The following GALNTL6 variants were observed in gnomAD, a reference collection of about 807,000 sequenced individuals.
The protein encoded by GALNTL6 is polypeptide N-acetylgalactosaminyltransferase like 6.
Under a neutral mutation model 73.7 loss-of-function variants are expected in GALNTL6, and 46 were observed. That is an observed-to-expected ratio of 0.62 (90% CI 0.49 to 0.80). GALNTL6 has a LOEUF of 0.80. GALNTL6 is among the 30% of genes least tolerant of loss of function. The pLI is 0.00. For synonymous variants in GALNTL6, 259 were observed against 263.7 expected (o/e 0.98, Z 0.17); for missense variants, 604 against 755.0 (o/e 0.80, Z 2.34).
intron 2 of GALNTL6, among the ~76,000 whole-genome samples, chr4:171,940,910 A>G (rs1045171815): frequency 6.6e-6 from 1 of 151,598 alleles, no homozygotes; most frequent in African/African-American, 2.4e-5. Flanking sequence ...ATCACTTTAT[A>G]AGAATGTTAT....
At chr4:172,637,574 C>G (rs1739755362) in intron 5 of GALNTL6, among the ~76,000 whole-genome samples, 1 of 152,120 alleles carries the variant, frequency 6.6e-6, no homozygotes, top group African/African-American at 2.4e-5. Context: ...CATAAGTATT[C>G]ATTTTCCCAA....
At chr4:172,727,370 CACAA>C (rs1735879097) in intron 5 of GALNTL6, among the ~76,000 whole-genome samples, 1 of 152,158 alleles carries the variant, frequency 6.6e-6, no homozygotes, top group South Asian at 2.1e-4. Flanking sequence ...GATAATTACT[CACAA>C]ACTATAAACG....
chr4:172,119,368 C>T (rs1247829800), intron 2 of GALNTL6, among the ~76,000 whole-genome samples: 1 of 152,052 alleles, frequency 6.6e-6, no homozygotes, highest in Non-Finnish European at 1.5e-5. Context: ...TGAATGGACT[C>T]ATTATTTGGT....
intron 5 of GALNTL6, among the ~76,000 whole-genome samples, chr4:172,715,288 G>A (rs994992121): frequency 6.6e-6 from 1 of 152,192 alleles, no homozygotes; most frequent in African/African-American, 2.4e-5. Context: ...GTGCATGGGT[G>A]TATGCACACA....
intron 5 of GALNTL6, among the ~76,000 whole-genome samples, chr4:172,783,184 A>T (rs955268772): frequency 4.0e-5 from 6 of 150,912 alleles, no homozygotes; most frequent in Non-Finnish European, 7.4e-5. Context: ...TAACCTACAC[A>T]CCAAAAACTA....
chr4:172,075,343 T>C (rs1233508026), intron 2 of GALNTL6, among the ~76,000 whole-genome samples: 1 of 152,162 alleles, frequency 6.6e-6, no homozygotes, highest in Non-Finnish European at 1.5e-5. Context: ...TTTGTTTGTT[T>C]GTTTGTTTTG....
At chr4:172,337,572 T>C (rs1454932847) in intron 4 of GALNTL6, among the ~76,000 whole-genome samples, 1 of 152,040 alleles carries the variant, frequency 6.6e-6, no homozygotes, top group African/African-American at 2.4e-5. Flanking sequence ...TTTTTAAGAG[T>C]GCTGGCTATA....
rs570876843 is a variant in GALNTL6 at position 172,899,903 on chromosome 4, G to A, written c.1041+16996G>A. On this transcript the variant is annotated intron_variant, in intron 8 of 12. Coordinates refer to ENST00000506823, the MANE Select transcript of GALNTL6 (RefSeq NM_001034845.3). ...GTCATGGCATTGGTGGGAGTGTAGC[G>A]ATGAGGACACGCAGAAGTCATTTTT... 6.9e-4 allele frequency among the ~76,000 whole-genome samples: 105 copies of A among 152,272 alleles called. No individual in the cohort carries two copies. In the South Asian group the frequency reaches 0.014, roughly 20 times the overall value.
At chr4:172,515,117 AT>A (rs1291845204) in intron 5 of GALNTL6, among the ~76,000 whole-genome samples, 2 of 152,226 alleles carry the variant, frequency 1.3e-5, no homozygotes, top group Non-Finnish European at 2.9e-5. Flanking sequence ...CAGCTATGAG[AT>A]GTAGATGTAC....
chr4:172,314,312 G>A (rs1374705166), intron 4 of GALNTL6, among the ~76,000 whole-genome samples: 2 of 152,092 alleles, frequency 1.3e-5, no homozygotes, highest in Admixed American at 1.3e-4. Flanking sequence ...AGTGCTAGGA[G>A]GGAAGAGTTT....
intron 2 of GALNTL6, among the ~76,000 whole-genome samples, chr4:171,860,432 T>TATTGTC (rs1264735890): frequency 6.6e-6 from 1 of 152,218 alleles, no homozygotes; most frequent in East Asian, 1.9e-4. Context: ...ATGCAATATA[T>TATTGTC]ATTGTCATGG....
At chr4:172,512,616 A>T (rs908636546) in intron 5 of GALNTL6, among the ~76,000 whole-genome samples, 1 of 152,048 alleles carries the variant, frequency 6.6e-6, no homozygotes, top group African/African-American at 2.4e-5. Context: ...CCTTTTTAAC[A>T]GTTCTTGTAG....
intron 2 of GALNTL6, among the ~76,000 whole-genome samples, chr4:171,953,068 G>A (rs188027194): frequency 2.1e-4 from 32 of 152,166 alleles, no homozygotes; most frequent in Admixed American, 5.9e-4. Flanking sequence ...ATTCAAAGAG[G>A]CGTAAGGACA....
intron 5 of GALNTL6, among the ~76,000 whole-genome samples, chr4:172,695,278 AC>A (rs1458682730): frequency 1.2e-4 from 18 of 152,356 alleles, no homozygotes; most frequent in African/African-American, 4.3e-4. Flanking sequence ...AGATTAAAAA[AC>A]AATGACAGAA....
At chr4:172,861,647 A>C (rs550960195) in intron 7 of GALNTL6, among the ~76,000 whole-genome samples, 1 of 152,234 alleles carries the variant, frequency 6.6e-6, no homozygotes, top group African/African-American at 2.4e-5. Flanking sequence ...CATAATTCCC[A>C]CATGTCATGG....
intron 2 of GALNTL6, among the ~76,000 whole-genome samples, chr4:171,919,701 A>G (rs1056468465): frequency 6.6e-6 from 1 of 152,122 alleles, no homozygotes; most frequent in African/African-American, 2.4e-5. Context: ...AAAAAGAAAG[A>G]AAGGATAAAG....
At chr4:171,814,767 T>A in intron 2 of GALNTL6, 49 bp downstream of exon 2, 1 of 1,595,798 alleles carries the variant, frequency 6.3e-7, no homozygotes, top group Non-Finnish European at 8.6e-7. Context: ...AAGGCAGTGA[T>A]CCTCGCGCGG....
rs200566896 is a variant in GALNTL6 at position 172,336,275 on chromosome 4, G to GTTTTT, written c.387-12237_387-12233dup. Among the ~76,000 whole-genome samples, 13 of 126,020 alleles carry GTTTTT rather than the reference G, an allele frequency of 1.0e-4. No homozygotes were observed. The South Asian group carries it at 1.7e-3, about 17-fold the overall frequency. 82.7% of individuals were successfully genotyped at this position (126,020 alleles called of 152,430 possible). A position where few individuals can be genotyped will look rare whatever the true frequency, so the allele number is the denominator to read the frequency against. ...ACTCTTCTTGGTATAGTTTTGTTTT[G>GTTTTT]TTTTTTTTTTTTTTTGACTGAGTCT... is the stretch of plus-strand genomic sequence containing the variant. On this transcript the variant is annotated intron_variant, in intron 4 of 12. Transcript: ENST00000506823.
intron 4 of GALNTL6, among the ~76,000 whole-genome samples, chr4:172,328,450 G>A (rs1741017826): frequency 6.6e-6 from 1 of 152,058 alleles, no homozygotes; most frequent in African/African-American, 2.4e-5. Context: ...GTAAGATTCT[G>A]GAAGTTTTCA....
Sources: allele counts gnomAD v4.1 joint callset (sites outside exome capture counted in the v4.1 genomes callset), GRCh38; gene constraint gnomAD v4.1.1; transcripts MANE v1.5; gene names NCBI Gene and HGNC (gene_info 2026-07-23, HGNC 2026-07-21).